The following GRIK4 variants were observed in gnomAD, a reference collection of about 807,000 sequenced individuals.
GRIK4 encodes glutamate receptor ionotropic, kainate 4.
Under a neutral mutation model 104.9 loss-of-function variants are expected in GRIK4, and 40 were observed. That is an observed-to-expected ratio of 0.38 (90% CI 0.30 to 0.50). The LOEUF (loss-of-function observed/expected upper bound fraction) is 0.50, where lower values mean the gene tolerates loss of function less well. Among genes scored for constraint, GRIK4 ranks in the 20% least tolerant of loss-of-function variants. The pLI, the probability that GRIK4 is intolerant of heterozygous loss-of-function variation, is 0.93. For missense variants in GRIK4, 1,047 were observed against 1,308.1 expected (o/e 0.80, Z 3.08); for synonymous variants, 485 against 524.9 (o/e 0.92, Z 1.04).
At position 120,939,433 on chromosome 11, in the gene GRIK4, C is replaced by T. The variant is rs576532551; in HGVS notation, c.1477-914C>T. Among the ~76,000 whole-genome samples the T allele has an allele frequency of 3.9e-5, 6 of 152,308 alleles. No homozygotes were observed. The South Asian group carries it at 8.3e-4, about 21-fold the overall frequency. On this transcript the variant is annotated intron_variant, in intron 13 of 20. Coordinates refer to ENST00000527524, the MANE Select transcript of GRIK4 (RefSeq NM_014619.5). This position sits in a 1 kb window ranked among gnomAD's most constrained non-coding sequence, Gnocchi z 5.6. Reference sequence around the variant, plus strand: ...AATGACATCTGAAGTTTCACCTGGACAGCGACATAAGTGGCCAGTGATCCA... The same window carrying T: ...AATGACATCTGAAGTTTCACCTGGATAGCGACATAAGTGGCCAGTGATCCA...
chr11:120,723,339 C>G (rs537456498), intron 3 of GRIK4, among the ~76,000 whole-genome samples: 1 of 152,280 alleles, frequency 6.6e-6, no homozygotes, highest in African/African-American at 2.4e-5. Flanking sequence ...TGCATTGACC[C>G]CTCCCCAAGA....
At chr11:120,712,822 C>A (rs980920868) in intron 3 of GRIK4, among the ~76,000 whole-genome samples, 2 of 152,168 alleles carry the variant, frequency 1.3e-5, no homozygotes, top group Non-Finnish European at 2.9e-5. Context: ...AAGTTAGCAA[C>A]CACATTACTT....
At chr11:120,572,257 C>T (rs1477973897) in intron 1 of GRIK4, among the ~76,000 whole-genome samples, 1 of 152,176 alleles carries the variant, frequency 6.6e-6, no homozygotes, top group African/African-American at 2.4e-5. Context: ...CTTAATACTT[C>T]GTCACCTTGG....
chr11:120,517,130 G>A (rs1237222806), intron 1 of GRIK4, among the ~76,000 whole-genome samples: 2 of 149,270 alleles, frequency 1.3e-5, no homozygotes, highest in African/African-American at 5.1e-5. Flanking sequence ...CACCGCCGGG[G>A]ACCGAGCGTG....
At chr11:120,731,857 AG>A (rs1462288522) in intron 3 of GRIK4, among the ~76,000 whole-genome samples, 1 of 152,134 alleles carries the variant, frequency 6.6e-6, no homozygotes, top group East Asian at 1.9e-4. Context: ...TGCTTATAGT[AG>A]CCACTAATGA....
chr11:120,595,941 G>A (rs1387995225), intron 1 of GRIK4, among the ~76,000 whole-genome samples: 1 of 152,248 alleles, frequency 6.6e-6, no homozygotes. Flanking sequence ...CCACCTCCCG[G>A]GTTCAAGCGA....
At chr11:120,596,413 A>G (rs373470315) in intron 1 of GRIK4, among the ~76,000 whole-genome samples, 10 of 152,224 alleles carry the variant, frequency 6.6e-5, no homozygotes, top group African/African-American at 2.4e-4. Context: ...TGAGGGAACA[A>G]TGAAATCTTC....
intron 1 of GRIK4, among the ~76,000 whole-genome samples, chr11:120,593,678 TTCTC>T (rs140620707): frequency 7.2e-5 from 11 of 152,298 alleles, no homozygotes; most frequent in African/African-American, 2.4e-4. Flanking sequence ...ACCTCCAACT[TTCTC>T]TCCTGAGTGC....
Position 120,833,471 on chromosome 11 carries a change from TTCAGC to T in GRIK4, c.690+1443_690+1447del, listed in dbSNP as rs538540477. On this transcript the variant is annotated intron_variant, in intron 7 of 20. Coordinates refer to ENST00000527524, the MANE Select transcript of GRIK4 (RefSeq NM_014619.5). Reference sequence around the variant, plus strand: ...AAGGTTGGGAGCAGGCAGTGAGAGCTTCAGCTTAGTAGATAGATGTCCCTCCACCA... The same window carrying T: ...AAGGTTGGGAGCAGGCAGTGAGAGCTTTAGTAGATAGATGTCCCTCCACCA... 4.5e-4 allele frequency among the ~76,000 whole-genome samples: 69 copies of T among 152,262 alleles called. 1 individual carries two copies. Among genetic ancestry groups the T allele is most frequent in the Middle Eastern group, 6.8e-3 (2 of 294 alleles).
At chr11:120,910,126 T>C (rs545035908) in intron 13 of GRIK4, among the ~76,000 whole-genome samples, 3 of 152,316 alleles carry the variant, frequency 2.0e-5, no homozygotes, top group South Asian at 2.1e-4. Context: ...CGGGTGACAA[T>C]GCCATGCTCT....
chr11:120,572,450 T>C (rs1050758450), intron 1 of GRIK4, among the ~76,000 whole-genome samples: 8 of 152,074 alleles, frequency 5.3e-5, no homozygotes, highest in African/African-American at 1.7e-4. Flanking sequence ...CCCTTACAAC[T>C]TGGAAGGCAT....
chr11:120,607,894 A>T, intron 1 of GRIK4, among the ~76,000 whole-genome samples: 1 of 152,114 alleles, frequency 6.6e-6, no homozygotes, highest in Non-Finnish European at 1.5e-5. Context: ...GGAGGGAAAA[A>T]CGAGGGCAGG....
intron 13 of GRIK4, among the ~76,000 whole-genome samples, chr11:120,938,751 T>G (rs12797755): frequency 0.037 from 5,613 of 152,308 alleles, 151 homozygotes; most frequent in Non-Finnish European, 0.058. Flanking sequence ...TGTCAATCAT[T>G]GTAGGCTCGT....
chr11:120,751,604 T>C (rs1341951246), intron 3 of GRIK4, among the ~76,000 whole-genome samples: 1 of 152,076 alleles, frequency 6.6e-6, no homozygotes, highest in Non-Finnish European at 1.5e-5. Context: ...TGGGCCCAGG[T>C]TCTGGAGGAA....
chr11:120,905,457 C>T lies in GRIK4; in HGVS notation c.1440C>T (p.Gly480=), dbSNP rs750679482. Residue 480 remains glycine, a synonymous_variant, in exon 13 of 21, where the codon GGC becomes GGT. Coordinates refer to ENST00000527524, the MANE Select transcript of GRIK4 (RefSeq NM_014619.5). This position sits in a 1 kb window ranked among gnomAD's most constrained non-coding sequence, Gnocchi z 5.1. ...TGTACGGCGTTCCCGAGGCCAACGG[C>T]ACCTGGACGGGAATGGTCGGGGAGC... ...DGVYGVPEAN[G]TWTGMVGELI... The T allele has an allele frequency of 1.2e-6, 2 of 1,607,206 alleles. No individual in the cohort carries two copies. Among genetic ancestry groups the T allele is most frequent in the Admixed American group, 1.7e-5 (1 of 59,758 alleles).
At chr11:120,966,271 C>G (rs1329374952) in intron 18 of GRIK4, among the ~76,000 whole-genome samples, 2 of 152,188 alleles carry the variant, frequency 1.3e-5, no homozygotes, top group African/African-American at 4.8e-5. Context: ...ACCTGATTCT[C>G]ACACTCTGGG....
intron 9 of GRIK4, among the ~76,000 whole-genome samples, chr11:120,862,938 C>T (rs1030576924): frequency 2.6e-5 from 4 of 152,240 alleles, no homozygotes; most frequent in Non-Finnish European, 1.5e-5. Context: ...CTTCCTGAGG[C>T]AGCTACTATC....
chr11:120,733,154 C>T (rs115163229), intron 3 of GRIK4, among the ~76,000 whole-genome samples: 1,947 of 152,260 alleles, frequency 0.013, 41 homozygotes, highest in African/African-American at 0.044. Context: ...ATATGTATAG[C>T]TACTTCTGCT....
At chr11:120,583,677 G>T (rs537295423) in intron 1 of GRIK4, among the ~76,000 whole-genome samples, 18 of 152,268 alleles carry the variant, frequency 1.2e-4, no homozygotes, top group South Asian at 8.3e-4. Flanking sequence ...TTTTGCTTAG[G>T]ATTGCTTTGG....
Sources: allele counts gnomAD v4.1 joint callset (sites outside exome capture counted in the v4.1 genomes callset), GRCh38; gene constraint gnomAD v4.1.1; non-coding constraint Gnocchi (gnomAD v3.1); transcripts MANE v1.5; gene names NCBI Gene and HGNC (gene_info 2026-07-23, HGNC 2026-07-21).